The following FNDC3B variants were observed in gnomAD, a reference collection of about 807,000 sequenced individuals.
FNDC3B encodes fibronectin type III domain-containing protein 3B.
Under a neutral mutation model 151.5 loss-of-function variants are expected in FNDC3B, and 12 were observed. The observed-to-expected ratio is 0.08, with a 90% CI of 0.05 to 0.13. FNDC3B has a LOEUF of 0.13. FNDC3B is among the 10% of genes least tolerant of loss of function. The pLI is 1.00. For synonymous variants in FNDC3B, 528 were observed against 549.0 expected (o/e 0.96, Z 0.54); for missense variants, 1,214 against 1,505.3 (o/e 0.81, Z 3.20).
intron 4 of FNDC3B, among the ~76,000 whole-genome samples, chr3:172,243,198 G>T (rs1438255168): frequency 6.6e-6 from 1 of 152,138 alleles, no homozygotes; most frequent in African/African-American, 2.4e-5. Flanking sequence ...ACATTTTCCT[G>T]CCTTCTTCTG....
intron 9 of FNDC3B, among the ~76,000 whole-genome samples, chr3:172,299,522 A>G (rs1480217311): frequency 3.9e-5 from 6 of 152,240 alleles, no homozygotes; most frequent in Non-Finnish European, 7.3e-5. Context: ...GACCCATAAC[A>G]CTAAAAAAAC....
intron 3 of FNDC3B, among the ~76,000 whole-genome samples, chr3:172,198,503 T>C (rs745844542): frequency 6.6e-6 from 1 of 152,170 alleles, no homozygotes; most frequent in East Asian, 1.9e-4. Context: ...TTCTAATTCT[T>C]TCTATATTTG....
In FNDC3B at chr3:172,209,950, C is replaced by T. The variant is rs556910415; in HGVS notation, c.188-16921C>T. Among the ~76,000 whole-genome samples, 287 of 152,376 alleles carry T rather than the reference C, an allele frequency of 1.9e-3. 1 individual carries two copies. In the Middle Eastern group the frequency reaches 0.034, roughly 18 times the overall value. ...GTGCTGCCCTGAGCACACACACATC[C>T]GGCTGGCTCGCAACAGTGCCCAGGC... On this transcript the variant is annotated intron_variant, in intron 3 of 25. Transcript: ENST00000415807.
chr3:172,099,581 C>T (rs1719275167), intron 1 of FNDC3B, among the ~76,000 whole-genome samples: 1 of 152,116 alleles, frequency 6.6e-6, no homozygotes, highest in Non-Finnish European at 1.5e-5. Context: ...GTCAAGTCTC[C>T]ACCTCTCCTG....
intron 3 of FNDC3B, among the ~76,000 whole-genome samples, chr3:172,206,576 G>A (rs1295526421): frequency 3.5e-5 from 5 of 141,294 alleles, no homozygotes; most frequent in African/African-American, 1.1e-4. Flanking sequence ...TGAGAATCAC[G>A]TGAATCCAGA....
chr3:172,379,827 G>A (rs953883), intron 24 of FNDC3B, among the ~76,000 whole-genome samples: 17,764 of 151,976 alleles, frequency 0.12, 1,260 homozygotes, highest in African/African-American at 0.21. Context: ...ATTCTTGGTG[G>A]GGATTCATTT....
chr3:172,118,705 ATCACATTCT>A (rs1287253897), intron 2 of FNDC3B, among the ~76,000 whole-genome samples: 1 of 152,212 alleles, frequency 6.6e-6, no homozygotes, highest in Non-Finnish European at 1.5e-5. Flanking sequence ...TCGGTCTTGG[ATCACATTCT>A]TCAGCATCAA....
intron 7 of FNDC3B, among the ~76,000 whole-genome samples, chr3:172,291,565 T>C (rs1483605718): frequency 6.6e-6 from 1 of 152,196 alleles, no homozygotes; most frequent in African/African-American, 2.4e-5. Flanking sequence ...CATATGCAAA[T>C]GTATACTAGT....
intron 1 of FNDC3B, among the ~76,000 whole-genome samples, chr3:172,089,846 C>T (rs944237933): frequency 6.6e-6 from 1 of 152,068 alleles, no homozygotes; most frequent in East Asian, 1.9e-4. Context: ...CATAAGATAC[C>T]GAGTAAATGT....
intron 1 of FNDC3B, among the ~76,000 whole-genome samples, chr3:172,106,594 G>A (rs2108530444): frequency 6.6e-6 from 1 of 152,340 alleles, no homozygotes; most frequent in African/African-American, 2.4e-5. Flanking sequence ...CCCTCAGAGT[G>A]AGGACCAGGA....
intron 3 of FNDC3B, among the ~76,000 whole-genome samples, chr3:172,178,633 G>C (rs771164035): frequency 1.6e-4 from 25 of 152,216 alleles, no homozygotes; most frequent in Non-Finnish European, 3.1e-4. Flanking sequence ...GAAAGAGCTG[G>C]ACACATGTGG....
chr3:172,189,799 TAAAAAAAAAAAAA>T (rs60894339), intron 3 of FNDC3B, among the ~76,000 whole-genome samples: 8 of 84,316 alleles, frequency 9.5e-5, no homozygotes, highest in Admixed American at 3.0e-4. Context: ...AGACCTTGTC[TAAAAAAAAAAAAA>T]AAAAAAAAAA....
At chr3:172,293,211 G>A (rs538030452) in intron 7 of FNDC3B, among the ~76,000 whole-genome samples, 1 of 152,332 alleles carries the variant, frequency 6.6e-6, no homozygotes, top group South Asian at 2.1e-4. Context: ...TCCAAGAGAA[G>A]TTGGTTAAAA....
chr3:172,141,431 C>T (rs184519591), intron 3 of FNDC3B, among the ~76,000 whole-genome samples: 2 of 152,302 alleles, frequency 1.3e-5, no homozygotes, highest in South Asian at 2.1e-4. Flanking sequence ...GAATAACAGC[C>T]GTTCACTCTT....
At chr3:172,109,164 CTT>C (rs398052444) in intron 1 of FNDC3B, among the ~76,000 whole-genome samples, 52,998 of 119,502 alleles carry the variant, frequency 0.44, 10,657 homozygotes, top group Admixed American at 0.54. Flanking sequence ...GCCTTGGATT[CTT>C]TTTTTTTTTT....
intron 22 of FNDC3B, among the ~76,000 whole-genome samples, chr3:172,359,011 G>GTGGTGGTGA (rs1560098668): frequency 7.5e-6 from 1 of 133,676 alleles, no homozygotes; most frequent in East Asian, 2.1e-4. Flanking sequence ...GGTGGTGGTG[G>GTGGTGGTGA]TGGTGGTGAT....
chr3:172,309,813 T>A (rs906206750), intron 10 of FNDC3B, among the ~76,000 whole-genome samples: 2 of 152,230 alleles, frequency 1.3e-5, no homozygotes, highest in Admixed American at 6.5e-5. Flanking sequence ...TTATTTATCA[T>A]ACCTATCTAT....
chr3:172,163,182 G>A (rs2108621081), intron 3 of FNDC3B, among the ~76,000 whole-genome samples: 1 of 152,004 alleles, frequency 6.6e-6, no homozygotes, highest in Non-Finnish European at 1.5e-5. Flanking sequence ...GAGATGAGAA[G>A]ATTACTTGAG....
In FNDC3B at chr3:172,171,480, ACT is replaced by A. The variant is rs1486756541; in HGVS notation, c.187+37939_187+37940del. Among the ~76,000 whole-genome samples, 20 of 151,704 alleles carry A rather than the reference ACT, an allele frequency of 1.3e-4. 1 individual carries two copies. Among genetic ancestry groups the A allele is most frequent in the South Asian group, 1.0e-3 (5 of 4,788 alleles). On this transcript the variant is annotated intron_variant, in intron 3 of 25. Transcript: ENST00000415807. ...TTAAAGAATGGGGTATCTTTTTAAA[ACT>A]CTCTTTGCACACTGGCATGAACAGG... is the stretch of plus-strand genomic sequence containing the variant.
Sources: allele counts gnomAD v4.1 joint callset (sites outside exome capture counted in the v4.1 genomes callset), GRCh38; gene constraint gnomAD v4.1.1; transcripts MANE v1.5; gene names NCBI Gene and HGNC (gene_info 2026-07-23, HGNC 2026-07-21).